The following PLEKHG1 variants were observed in gnomAD, a reference collection of about 807,000 sequenced individuals.
PLEKHG1 encodes pleckstrin homology domain-containing family G member 1.
PLEKHG1 carries 44 observed loss-of-function variants against 100.8 expected under a neutral mutation model. The observed-to-expected ratio is 0.44, with a 90% CI of 0.34 to 0.56. PLEKHG1 has a LOEUF of 0.56. Among genes scored for constraint, PLEKHG1 ranks in the 20% least tolerant of loss-of-function variants. The pLI is 0.01. For synonymous variants in PLEKHG1, 640 were observed against 662.5 expected (o/e 0.97, Z 0.52); for missense variants, 1,545 against 1,720.9 (o/e 0.90, Z 1.81).
At chr6:150,781,795 G>T (rs1298727936) in intron 3 of PLEKHG1, among the ~76,000 whole-genome samples, 13 of 147,228 alleles carry the variant, frequency 8.8e-5, no homozygotes, top group Non-Finnish European at 1.5e-4. Context: ...TTTTTGAGAT[G>T]GAGTCTCACT....
At position 150,831,182 on chromosome 6, in the gene PLEKHG1, G is replaced by A. The variant is rs368875530; in HGVS notation, c.2071G>A (p.Val691Ile). Residue 691 changes from valine to isoleucine, a missense_variant, in exon 15 of 16, where the codon GTT (valine) becomes ATT (isoleucine). Val to Ile is a conservative substitution (Grantham distance 29, BLOSUM62 3). Transcript: ENST00000358517. The surrounding 1 kb of genome is among the most constrained non-coding windows in gnomAD (Gnocchi z 4.1). ...TCCCTCTAAATCAGCCAGGGACTCC[G>A]TTCGCCCCAAGAGCACCCCAGAGTT... The A allele has an allele frequency of 2.4e-5, 39 of 1,614,102 alleles. No homozygotes were observed. In the African/African-American group the frequency reaches 3.6e-4, roughly 15 times the overall value.
intron 3 of PLEKHG1, among the ~76,000 whole-genome samples, chr6:150,668,020 T>A (rs772401864): frequency 6.6e-6 from 1 of 152,240 alleles, no homozygotes; most frequent in Non-Finnish European, 1.5e-5. Context: ...CTAAAATACG[T>A]GCAATAGGTC....
At chr6:150,803,618 T>G (rs1414454493) in intron 6 of PLEKHG1, among the ~76,000 whole-genome samples, 2 of 152,220 alleles carry the variant, frequency 1.3e-5, no homozygotes, top group African/African-American at 4.8e-5. Context: ...AACATACTTC[T>G]GACCATCAGA....
intron 10 of PLEKHG1, among the ~76,000 whole-genome samples, chr6:150,810,576 T>G (rs202010567): frequency 2.2e-5 from 3 of 139,162 alleles, no homozygotes; most frequent in Non-Finnish European, 4.7e-5. Context: ...AATTGAGAGA[T>G]AGAATATATA....
chr6:150,775,359 TG>T (rs1157445575), intron 3 of PLEKHG1, among the ~76,000 whole-genome samples: 2 of 152,358 alleles, frequency 1.3e-5, no homozygotes, highest in Non-Finnish European at 2.9e-5. Flanking sequence ...CCATATTGAA[TG>T]TCTGATTTTA....
At chr6:150,781,551 C>G (rs1785312132) in intron 3 of PLEKHG1, among the ~76,000 whole-genome samples, 1 of 151,720 alleles carries the variant, frequency 6.6e-6, no homozygotes. Context: ...TAGTTTCAGC[C>G]TCAAAGAGCA....
chr6:150,810,722 A>G (rs547880662), intron 10 of PLEKHG1, among the ~76,000 whole-genome samples: 1 of 152,132 alleles, frequency 6.6e-6, no homozygotes, highest in South Asian at 2.1e-4. Context: ...GGAGTTAAAG[A>G]CCAGCCTGGC....
intron 3 of PLEKHG1, among the ~76,000 whole-genome samples, chr6:150,684,070 G>A (rs1490045189): frequency 6.6e-6 from 1 of 152,198 alleles, no homozygotes; most frequent in Non-Finnish European, 1.5e-5. Flanking sequence ...CATACGCTAT[G>A]CTGGGCACAA....
intron 2 of PLEKHG1, among the ~76,000 whole-genome samples, chr6:150,746,321 CA>C (rs1783160549): frequency 6.6e-6 from 1 of 152,176 alleles, no homozygotes; most frequent in African/African-American, 2.4e-5. Flanking sequence ...GTTTTCAAAA[CA>C]AACATCATAG....
At chr6:150,628,496 C>T (rs1437767247) in intron 1 of PLEKHG1, among the ~76,000 whole-genome samples, 1 of 132,306 alleles carries the variant, frequency 7.6e-6, no homozygotes, top group Non-Finnish European at 1.6e-5. Context: ...AGCAAATGGA[C>T]ATTTGTTTTG....
rs146766765 is a variant in PLEKHG1, at chr6:150,808,708, C to T, written c.913-397C>T. ...TGGAGGTTGCAGTGAGCCCTGATCG[C>T]GCCACTTCCCTCCAGCCTGGGTGAC... On this transcript the variant is annotated intron_variant, in intron 7 of 15. Coordinates refer to ENST00000358517, the Ensembl canonical transcript of PLEKHG1. Among the ~76,000 whole-genome samples the T allele has an allele frequency of 1.4e-4, 21 of 152,108 alleles. 1 individual carries two copies. In the East Asian group the frequency reaches 3.3e-3, roughly 24 times the overall value.
At chr6:150,701,628 G>A (rs1466726) in intron 3 of PLEKHG1, among the ~76,000 whole-genome samples, 12,508 of 120,594 alleles carry the variant, frequency 0.1, 1,623 homozygotes, top group African/African-American at 0.3. Flanking sequence ...CAGTGGCCCC[G>A]GTGTATGTTG....
intron 15 of PLEKHG1, among the ~76,000 whole-genome samples, chr6:150,838,907 C>T (rs903991837): frequency 6.6e-6 from 1 of 152,124 alleles, no homozygotes; most frequent in Non-Finnish European, 1.5e-5. Context: ...TTAGTCAATA[C>T]ATGTGGTTTT....
rs1455673564 is a variant in PLEKHG1, at chr6:150,674,682, T to TCTCTCTCTCTCTCC, written c.-99+23897_-99+23898insTCTCTCTCTCTCCC. On this transcript the variant is annotated intron_variant, in intron 3 of 3. Coordinates refer to the PLEKHG1 transcript ENST00000367326. ...CTCTCTCTCTCTCTCTCTCTCTCTC[T>TCTCTCTCTCTCTCC]CCCCCCTCTTCTCTTCTTTCCATGG... is the stretch of plus-strand genomic sequence containing the variant. Among the ~76,000 whole-genome samples the TCTCTCTCTCTCTCC allele has an allele frequency of 5.1e-4, 53 of 104,246 alleles. 1 individual carries two copies. The highest frequency in any genetic ancestry group is 5.0e-3 in the Middle Eastern group (1 of 200). The allele number at this position is 104,246 out of a possible 152,430, so 68.4% of individuals were successfully genotyped here.
chr6:150,826,799 C>T (rs566558094), intron 14 of PLEKHG1, among the ~76,000 whole-genome samples: 15 of 152,120 alleles, frequency 9.9e-5, no homozygotes, highest in East Asian at 3.9e-4. Context: ...TGCGCCACCA[C>T]GCCCGGCTAA....
At chr6:150,820,408 A>G (rs1249814273) in intron 12 of PLEKHG1, among the ~76,000 whole-genome samples, 1 of 152,190 alleles carries the variant, frequency 6.6e-6, no homozygotes, top group African/African-American at 2.4e-5. Flanking sequence ...TATTTGCTGC[A>G]CCAGACTCCA....
intron 3 of PLEKHG1, among the ~76,000 whole-genome samples, chr6:150,674,669 CT>C (rs1779689674): frequency 6.9e-6 from 1 of 144,636 alleles, no homozygotes; most frequent in Non-Finnish European, 1.5e-5. Flanking sequence ...CTCTCTCTCT[CT>C]CTCTCTCTCT....
intron 3 of PLEKHG1, among the ~76,000 whole-genome samples, chr6:150,659,862 A>G (rs1779114892): frequency 6.6e-6 from 1 of 152,186 alleles, no homozygotes; most frequent in African/African-American, 2.4e-5. Context: ...TAACGGACTA[A>G]AGTAATTTGA....
chr6:150,712,107 C>G (rs1253887156), intron 3 of PLEKHG1, among the ~76,000 whole-genome samples: 1 of 152,146 alleles, frequency 6.6e-6, no homozygotes, highest in East Asian at 1.9e-4. Context: ...CAGTGGGAAG[C>G]CTTAGCCACT....
Sources: gnomAD v4.1 joint callset for allele counts (sites outside exome capture counted in the v4.1 genomes callset) on GRCh38, gnomAD v4.1.1 for gene constraint, Gnocchi (gnomAD v3.1) non-coding constraint, MANE v1.5 for transcripts, NCBI Gene and HGNC (gene_info 2026-07-23, HGNC 2026-07-21) for gene names.